CTNNA3: variants seen among roughly 807,000 people sequenced by gnomAD.
CTNNA3 encodes the protein catenin alpha 3, also known as catenin alpha-3.
A neutral mutation model predicts 95.7 loss-of-function variants in CTNNA3; 76 were observed. The observed-to-expected ratio is 0.79, with a 90% CI of 0.66 to 0.96. CTNNA3 has a LOEUF of 0.96. Ranked by LOEUF, CTNNA3 falls within the 40% of genes least tolerant of loss-of-function variation. CTNNA3 has a pLI of 0.00. For missense variants in CTNNA3, 1,191 were observed against 1,089.8 expected, an observed-to-expected ratio of 1.09 and a Z score of -1.31; for synonymous variants, 431 against 374.4, an observed-to-expected ratio of 1.15 and a Z score of -1.74.
intron 1 of CTNNA3, among the ~76,000 whole-genome samples, chr10:67,747,784 T>A (rs1463065025): frequency 4.6e-5 from 7 of 152,132 alleles, no homozygotes; most frequent in Non-Finnish European, 7.4e-5. Flanking sequence ...AGAAGTAGGC[T>A]TCAGAAGGTG....
At position 67,763,273 on chromosome 10, in the gene CTNNA3, TAA is replaced by T. The variant is rs11311944; in HGVS notation, c.-2+159_-2+160del. On this transcript the variant is annotated intron_variant, in intron 1 of 17. Coordinates refer to the CTNNA3 transcript ENST00000684154. ...TCCCTCCTGTAGCTCTGCCAAAATT[TAA>T]AAAAAAAAAAAAATTCCTAAAAGAA... Among the ~76,000 whole-genome samples the T allele has an allele frequency of 4.9e-3, 731 of 148,524 alleles. 4 individuals carry two copies. The highest frequency in any genetic ancestry group is 0.011 in the African/African-American group (446 of 40,416).
At chr10:66,977,212 G>A (rs1850092200) in intron 7 of CTNNA3, among the ~76,000 whole-genome samples, 1 of 152,120 alleles carries the variant, frequency 6.6e-6, no homozygotes, top group Non-Finnish European at 1.5e-5. Context: ...GCCGAGGCAG[G>A]TGGATCACGA....
intron 9 of CTNNA3, among the ~76,000 whole-genome samples, chr10:66,672,425 GC>G (rs564975829): frequency 6.6e-6 from 1 of 151,986 alleles, no homozygotes; most frequent in Non-Finnish European, 1.5e-5. Flanking sequence ...GAACAAGAAA[GC>G]CACTTTCCTA....
intron 7 of CTNNA3, among the ~76,000 whole-genome samples, chr10:66,804,519 C>G (rs1484324058): frequency 6.6e-6 from 1 of 152,060 alleles, no homozygotes; most frequent in African/African-American, 2.4e-5. Context: ...ACAATATACA[C>G]TTTATTTTGC....
intron 11 of CTNNA3, among the ~76,000 whole-genome samples, chr10:66,494,492 T>A (rs2131945928): frequency 6.6e-6 from 1 of 152,324 alleles, no homozygotes; most frequent in African/African-American, 2.4e-5. Flanking sequence ...TTATTTCTAC[T>A]AAAAATATTC....
At chr10:67,597,673 GC>G (rs1381942644) in intron 3 of CTNNA3, among the ~76,000 whole-genome samples, 2 of 152,182 alleles carry the variant, frequency 1.3e-5, no homozygotes, top group Non-Finnish European at 2.9e-5. Context: ...GATGGAGGGT[GC>G]TGACAAAAGC....
chr10:66,462,893 T>C (rs983941851), intron 11 of CTNNA3, among the ~76,000 whole-genome samples: 44 of 152,280 alleles, frequency 2.9e-4, no homozygotes, highest in African/African-American at 1.0e-3. Flanking sequence ...ATTTATCTCC[T>C]ATAAACCTTT....
At chr10:67,577,666 ATG>A (rs1181620968) in intron 3 of CTNNA3, among the ~76,000 whole-genome samples, 59 of 149,632 alleles carry the variant, frequency 3.9e-4, no homozygotes, top group East Asian at 2.4e-3. Context: ...ATACACACAT[ATG>A]TGTGTGTGTG....
chr10:67,148,512 G>T (rs1243748301), intron 7 of CTNNA3, among the ~76,000 whole-genome samples: 2 of 152,182 alleles, frequency 1.3e-5, no homozygotes, highest in African/African-American at 4.8e-5. Context: ...GAATGACTTT[G>T]ATTCTCCCAA....
intron 7 of CTNNA3, among the ~76,000 whole-genome samples, chr10:66,806,756 A>ATATATGTG (rs1359507202): frequency 2.7e-5 from 4 of 145,832 alleles, no homozygotes; most frequent in African/African-American, 1.0e-4. Flanking sequence ...TGTGGCATAT[A>ATATATGTG]TGTGTGTGTG....
intron 11 of CTNNA3, among the ~76,000 whole-genome samples, chr10:66,456,619 T>C (rs1363389367): frequency 2.0e-5 from 3 of 152,006 alleles, no homozygotes; most frequent in Admixed American, 6.6e-5. Flanking sequence ...GAAGTTGTGG[T>C]GAGCCTAGAT....
At chr10:66,924,764 A>G (rs973441212) in intron 7 of CTNNA3, among the ~76,000 whole-genome samples, 5 of 152,250 alleles carry the variant, frequency 3.3e-5, no homozygotes, top group Non-Finnish European at 5.9e-5. Flanking sequence ...TCTAAGTAAC[A>G]TACAGATATT....
intron 5 of CTNNA3, among the ~76,000 whole-genome samples, chr10:67,398,501 GC>G (rs1463537094): frequency 1.3e-5 from 2 of 152,174 alleles, no homozygotes; most frequent in African/African-American, 4.8e-5. Flanking sequence ...GAAGGGACTT[GC>G]CTTATCTCAG....
chr10:67,087,832 CTT>C (rs1330418356), intron 7 of CTNNA3, among the ~76,000 whole-genome samples: 1 of 152,048 alleles, frequency 6.6e-6, no homozygotes, highest in Non-Finnish European at 1.5e-5. Flanking sequence ...AACCCTTACT[CTT>C]TTCTTTCATT....
chr10:66,512,849 G>A (rs1303477361), intron 11 of CTNNA3, among the ~76,000 whole-genome samples: 5 of 151,996 alleles, frequency 3.3e-5, no homozygotes, highest in Admixed American at 3.3e-4. Context: ...CTCCTAGCTT[G>A]TAAGTTTCTT....
chr10:67,133,103 C>G (rs1860102529), intron 7 of CTNNA3, among the ~76,000 whole-genome samples: 2 of 151,364 alleles, frequency 1.3e-5, no homozygotes, highest in South Asian at 4.2e-4. Flanking sequence ...AAATGATAAA[C>G]ACTCAGGTGA....
At chr10:66,293,151 A>G (rs2091714802) in intron 12 of CTNNA3, among the ~76,000 whole-genome samples, 1 of 152,192 alleles carries the variant, frequency 6.6e-6, no homozygotes, top group Non-Finnish European at 1.5e-5. Flanking sequence ...TACTTCTAAA[A>G]ATGAAGAATT....
upstream of CTNNA3, among the ~76,000 whole-genome samples, chr10:67,697,297 T>A (rs1013866858): frequency 1.3e-5 from 2 of 152,246 alleles, no homozygotes; most frequent in Non-Finnish European, 2.9e-5. Flanking sequence ...AGGAATAGCA[T>A]CTTTTCACAG....
chr10:65,940,385 A>G (rs993374676), intron 17 of CTNNA3, among the ~76,000 whole-genome samples: 1 of 152,184 alleles, frequency 6.6e-6, no homozygotes, highest in Non-Finnish European at 1.5e-5. Flanking sequence ...CTGCTCTCAC[A>G]CTTACTCCAA....
Sources: gnomAD v4.1 joint callset for allele counts (sites outside exome capture counted in the v4.1 genomes callset) on GRCh38, gnomAD v4.1.1 for gene constraint, MANE v1.5 for transcripts, NCBI Gene and HGNC (gene_info 2026-07-23, HGNC 2026-07-21) for gene names.